The following RAB18 variants were observed in gnomAD, a reference collection of about 807,000 sequenced individuals.
The protein encoded by RAB18 is ras-related protein Rab-18.
Under a neutral mutation model 28.5 loss-of-function variants are expected in RAB18, and 10 were observed. The ratio of observed to expected loss-of-function variants is 0.35; its 90% CI spans 0.22 to 0.60. The LOEUF (loss-of-function observed/expected upper bound fraction) is 0.60. RAB18 is among the 20% of genes least tolerant of loss of function. The probability of loss-of-function intolerance (pLI) is 0.78; values close to 1 mark genes in which losing one functional copy is unlikely to be tolerated. For synonymous variants in RAB18, 93 were observed against 86.9 expected, an observed-to-expected ratio of 1.07 and a Z score of -0.39; for missense variants, 188 against 244.2, an observed-to-expected ratio of 0.77 and a Z score of 1.53.
intron 6 of RAB18, among the ~76,000 whole-genome samples, chr10:27,536,884 A>G (rs765509876): frequency 3.3e-5 from 5 of 152,210 alleles, no homozygotes; most frequent in Admixed American, 6.5e-5. Context: ...GTGAGATAAG[A>G]AGGTAGAAAC....
rs923872579 is a variant in RAB18, at chr10:27,539,851, A to G, written c.*1800A>G. The G allele has an allele frequency of 4.4e-6, 2 of 453,828 alleles. No individual in the cohort carries two copies. The highest frequency in any genetic ancestry group is 2.4e-5 in the Admixed American group (1 of 42,546). The allele number at this position is 453,828 out of a possible 1,614,324, so 28.1% of individuals were successfully genotyped here. A position where few individuals can be genotyped will look rare whatever the true frequency, so the allele number is the denominator to read the frequency against. ...CTAGATGCATTTGTGTAGGAAGTAT[A>G]TACATTTCCCTATTACTCTCATCAG... On this transcript the variant is annotated 3_prime_UTR_variant, in exon 7 of 7. Transcript: ENST00000356940.
chr10:27,516,220 T>G (rs1249653801), intron 2 of RAB18, among the ~76,000 whole-genome samples: 1 of 152,194 alleles, frequency 6.6e-6, no homozygotes, highest in Non-Finnish European at 1.5e-5. Flanking sequence ...GTCATTGCTC[T>G]GGATACTTTG....
At chr10:27,513,031 TA>T (rs1163768912) in intron 2 of RAB18, among the ~76,000 whole-genome samples, 5 of 139,686 alleles carry the variant, frequency 3.6e-5, no homozygotes, top group African/African-American at 1.3e-4. Flanking sequence ...TATATATATA[TA>T]TTTTTTTTTT....
intron 2 of RAB18, among the ~76,000 whole-genome samples, chr10:27,515,773 T>C (rs1392467785): frequency 6.6e-6 from 1 of 152,004 alleles, no homozygotes; most frequent in African/African-American, 2.4e-5. Flanking sequence ...TTAAATAATA[T>C]TGGAATTATC....
chr10:27,519,380 A>C (rs957221052), intron 2 of RAB18, among the ~76,000 whole-genome samples: 3 of 152,110 alleles, frequency 2.0e-5, no homozygotes, highest in Non-Finnish European at 4.4e-5. Flanking sequence ...TGAGGAACAA[A>C]ATAAGAATAT....
chr10:27,532,125 T>TG (rs572339198), intron 3 of RAB18, among the ~76,000 whole-genome samples: 5 of 145,770 alleles, frequency 3.4e-5, no homozygotes, highest in African/African-American at 1.0e-4. Flanking sequence ...TGGTAAGATT[T>TG]AAAAAAAAAA....
Position 27,540,144 on chromosome 10 carries a change from A to T in RAB18, c.*2093A>T. 2.2e-6 allele frequency: 1 copy of T among 454,054 alleles called. No individual in the cohort carries two copies. The highest frequency in any genetic ancestry group is 1.6e-5 in the South Asian group (1 of 64,468). 28.1% of individuals were successfully genotyped at this position (454,054 alleles called of 1,614,324 possible). The stretch of plus-strand genomic sequence containing the variant: ...TGAGATTGACCCAAACAAATAAAAA[A>T]CTATTCAATTTCTGAGTAATAGTTA... On this transcript the variant is annotated 3_prime_UTR_variant, in exon 7 of 7. Coordinates refer to ENST00000356940, the MANE Select transcript of RAB18 (RefSeq NM_021252.5).
chr10:27,531,757 C>A, intron 3 of RAB18: 1 of 521,866 alleles, frequency 1.9e-6, no homozygotes, highest in South Asian at 2.9e-5. Flanking sequence ...GGAATTGGGC[C>A]CGGAAGTAAA....
In RAB18 at chr10:27,519,538, A is replaced by G. The variant is rs142553844; in HGVS notation, c.125-7290A>G. On this transcript the variant is annotated intron_variant, in intron 2 of 6. Coordinates refer to ENST00000356940, the MANE Select transcript of RAB18 (RefSeq NM_021252.5). ...TCAATTGTGTTTCTGTTTATTAGTA[A>G]TGAATAAAAGGAAGATGAAAAATTT... Among the ~76,000 whole-genome samples the G allele has an allele frequency of 9.1e-4, 138 of 152,234 alleles. 1 individual carries two copies. Among genetic ancestry groups the G allele is most frequent in the African/African-American group, 3.2e-3 (134 of 41,576 alleles).
rs1564841167 is a variant in RAB18, at chr10:27,540,590, A to C, written c.*2539A>C. ...GACATAAAAGTTAAGGTAGTGGAGT[A>C]GGTGGTCTTATTTCTTTCACCTGCT... is the stretch of plus-strand genomic sequence containing the variant. On this transcript the variant is annotated 3_prime_UTR_variant, in exon 7 of 7. Transcript: ENST00000356940. 2.2e-6 allele frequency: 1 copy of C among 454,126 alleles called. No individual in the cohort carries two copies. The highest frequency in any genetic ancestry group is 4.4e-6 in the Non-Finnish European group (1 of 226,782). The allele number at this position is 454,126 out of a possible 1,614,324, so 28.1% of individuals were successfully genotyped here.
rs1203620099 is a variant in RAB18 at position 27,531,592 on chromosome 10, C to T, written c.187-915C>T. 5.5e-6 allele frequency: 6 copies of T among 1,093,648 alleles called. No homozygotes were observed. In the South Asian group the frequency reaches 8.0e-5, roughly 15 times the overall value. The allele number at this position is 1,093,648 out of a possible 1,614,324, so 67.7% of individuals were successfully genotyped here. On this transcript the variant is annotated intron_variant, in intron 3 of 6. Transcript: ENST00000356940. Reference sequence around the variant, plus strand: ...GAGCCAGATAGGAAATAGTCCAATCCTGAAGTGGGCCATGTGGCAATACGT... The same window carrying T: ...GAGCCAGATAGGAAATAGTCCAATCTTGAAGTGGGCCATGTGGCAATACGT...
chr10:27,512,735 T>C (rs2138977931), intron 2 of RAB18, among the ~76,000 whole-genome samples: 1 of 152,280 alleles, frequency 6.6e-6, no homozygotes, highest in South Asian at 2.1e-4. Context: ...AAAATAAACT[T>C]GCCTAAAGTT....
At position 27,538,142 on chromosome 10, in the gene RAB18, A is replaced by G; in HGVS notation, c.*91A>G. On this transcript the variant is annotated 3_prime_UTR_variant, in exon 7 of 7. Coordinates refer to ENST00000356940, the MANE Select transcript of RAB18 (RefSeq NM_021252.5). ...TTAACTGCTATTTTAGGGACCTTGCAGTTTGCACATAATTGTTTTATATCA... is the reference window on the plus strand; with the variant it reads ...TTAACTGCTATTTTAGGGACCTTGCGGTTTGCACATAATTGTTTTATATCA... 6.6e-7 allele frequency: 1 copy of G among 1,508,674 alleles called. No individual in the cohort carries two copies. The highest frequency in any genetic ancestry group is 1.1e-5 in the South Asian group (1 of 88,046). The allele number at this position is 1,508,674 out of a possible 1,614,324, so 93.5% of individuals were successfully genotyped here. A position where few individuals can be genotyped will look rare whatever the true frequency, so the allele number is the denominator to read the frequency against.
Position 27,533,791 on chromosome 10 carries a change from T to G in RAB18, c.316T>G (p.Leu106Val), listed in dbSNP as rs771260466. 1.2e-6 allele frequency: 2 copies of G among 1,613,768 alleles called. No homozygotes were observed. Among genetic ancestry groups the G allele is most frequent in the Non-Finnish European group, 1.7e-6 (2 of 1,179,794 alleles). Residue 106 changes from leucine to valine, a missense_variant, in exon 5 of 7, where the codon TTG becomes GTG. By Grantham distance (32) the Leu-to-Val change is conservative. Transcript: ENST00000356940. ...TAAACTGGATAATTGGTTAAATGAATTGGAAACATACTGTACAAGAAATGA... is the reference window on the plus strand; with the variant it reads ...TAAACTGGATAATTGGTTAAATGAAGTGGAAACATACTGTACAAGAAATGA... ...FVKLDNWLNE[L>V]ETYCTRNDIV...
chr10:27,537,435 G>A (rs1834923055), intron 6 of RAB18, among the ~76,000 whole-genome samples: 1 of 152,160 alleles, frequency 6.6e-6, no homozygotes, highest in African/African-American at 2.4e-5. Context: ...TTGTCATTTT[G>A]TCCAGCTGCC....
In RAB18 at chr10:27,538,308, T is replaced by A. The variant is rs1466022995; in HGVS notation, c.*257T>A. ...TATAAGTACATTCAATTTTATGATT[T>A]ACATTTATCATGTAATTTTTAAAAA... On this transcript the variant is annotated 3_prime_UTR_variant, in exon 7 of 7. Coordinates refer to ENST00000356940, the MANE Select transcript of RAB18 (RefSeq NM_021252.5). 2 of 589,474 alleles carry A rather than the reference T, an allele frequency of 3.4e-6. No homozygotes were observed. Among genetic ancestry groups the A allele is most frequent in the Non-Finnish European group, 6.3e-6 (2 of 315,794 alleles). 36.5% of individuals were successfully genotyped at this position (589,474 alleles called of 1,614,324 possible).
Position 27,541,957 on chromosome 10 carries a change from G to A in RAB18, c.*3906G>A, listed in dbSNP as rs1473295756. The A allele has an allele frequency of 2.2e-6, 1 of 453,848 alleles. No homozygotes were observed. Among genetic ancestry groups the A allele is most frequent in the Non-Finnish European group, 4.4e-6 (1 of 226,782 alleles). 28.1% of individuals were successfully genotyped at this position (453,848 alleles called of 1,614,324 possible). A position where few individuals can be genotyped will look rare whatever the true frequency, so the allele number is the denominator to read the frequency against. ...CCCAGTAGCAATGGTTCAGGGGTAG[G>A]CACCTGACCCAGACCAGACTACTGA... On this transcript the variant is annotated 3_prime_UTR_variant, in exon 7 of 7. Coordinates refer to ENST00000356940, the MANE Select transcript of RAB18 (RefSeq NM_021252.5).
In RAB18 at chr10:27,535,426, G is replaced by A. The variant is rs148579040; in HGVS notation, c.445+1432G>A. Among the ~76,000 whole-genome samples the A allele has an allele frequency of 9.0e-4, 137 of 152,270 alleles. 1 individual carries two copies. Among genetic ancestry groups the A allele is most frequent in the Non-Finnish European group, 5.4e-4 (37 of 68,022 alleles). Reference sequence around the variant, plus strand: ...GAGGAGCAAATATTTCCTGAGGTGGGAATCAGGCTACTGTGTTAAAGGAAC... The same window carrying A: ...GAGGAGCAAATATTTCCTGAGGTGGAAATCAGGCTACTGTGTTAAAGGAAC... On this transcript the variant is annotated intron_variant, in intron 6 of 6. Coordinates refer to ENST00000356940, the MANE Select transcript of RAB18 (RefSeq NM_021252.5).
chr10:27,538,693 A>G lies in RAB18; in HGVS notation c.*642A>G. On this transcript the variant is annotated 3_prime_UTR_variant, in exon 7 of 7. Coordinates refer to ENST00000356940, the MANE Select transcript of RAB18 (RefSeq NM_021252.5). Reference sequence around the variant, plus strand: ...ACTTCAATGATTAGCTCAGTTGCTTAACTGGAGTTTTAATCCTGTGATATG... The same window carrying G: ...ACTTCAATGATTAGCTCAGTTGCTTGACTGGAGTTTTAATCCTGTGATATG... 2.2e-6 allele frequency: 1 copy of G among 454,166 alleles called. No homozygotes were observed. The highest frequency in any genetic ancestry group is 6.9e-4 in the Middle Eastern group (1 of 1,444). The allele number at this position is 454,166 out of a possible 1,614,324, so 28.1% of individuals were successfully genotyped here.
Sources: allele counts gnomAD v4.1 joint callset (sites outside exome capture counted in the v4.1 genomes callset), GRCh38; gene constraint gnomAD v4.1.1; transcripts MANE v1.5; gene names NCBI Gene and HGNC (gene_info 2026-07-23, HGNC 2026-07-21).